Variants in ZNF836 observed in about 807,000 individuals in gnomAD.
ZNF836 encodes zinc finger protein 836.
Under a neutral mutation model 7.4 loss-of-function variants are expected in ZNF836, and 12 were observed. The observed-to-expected ratio is 1.61, with a 90% CI of 1.03 to 2.61. The LOEUF (loss-of-function observed/expected upper bound fraction) is 2.61. ZNF836 is among the 30% of genes most tolerant of loss of function. The pLI is 0.00. For missense variants in ZNF836, 998 were observed against 1,126.2 expected, an observed-to-expected ratio of 0.89 and a Z score of 1.63; for synonymous variants, 365 against 382.6, an observed-to-expected ratio of 0.95 and a Z score of 0.54.
chr19:52,154,657 T>A lies in ZNF836; in HGVS notation c.*215A>T. ...CCTGGCGACAGAGAGAGACTCCGTC[T>A]CAAAAAAGCAAAACAAACAAAAAAA... On this transcript the variant is annotated 3_prime_UTR_variant, in exon 5 of 5. Coordinates refer to ENST00000682614, the MANE Select transcript of ZNF836 (RefSeq NM_001102657.3). 1 of 409,158 alleles carries A rather than the reference T, an allele frequency of 2.4e-6. No homozygotes were observed. Among genetic ancestry groups the A allele is most frequent in the Non-Finnish European group, 4.3e-6 (1 of 233,548 alleles). 25.3% of individuals were successfully genotyped at this position (409,158 alleles called of 1,614,324 possible). A position where few individuals can be genotyped will look rare whatever the true frequency, so the allele number is the denominator to read the frequency against.
intron 3 of ZNF836, among the ~76,000 whole-genome samples, chr19:52,163,695 G>A (rs760317467): frequency 3.0e-4 from 46 of 152,184 alleles, no homozygotes; most frequent in Middle Eastern, 6.8e-3. Context: ...TCACTGAAAG[G>A]AACAGGATGA....
chr19:52,164,430 G>GGA (rs149371899), intron 3 of ZNF836, among the ~76,000 whole-genome samples: 142 of 136,504 alleles, frequency 1.0e-3, no homozygotes, highest in African/African-American at 1.7e-3. Context: ...AAGGAGGGAG[G>GGA]GAGAGAGAGA....
intron 3 of ZNF836, among the ~76,000 whole-genome samples, chr19:52,167,516 C>T (rs1447594780): frequency 6.8e-6 from 1 of 147,078 alleles, no homozygotes; most frequent in African/African-American, 2.5e-5. Context: ...AAAATAAACA[C>T]CCTCTATCAC....
In ZNF836 at chr19:52,156,807, G is replaced by A. The variant is rs986230750; in HGVS notation, c.876C>T (p.His292=). The change falls in exon 5 of 5, where the codon CAC becomes CAT. Residue 292 remains histidine, a synonymous_variant. Coordinates refer to ENST00000682614, the MANE Select transcript of ZNF836 (RefSeq NM_001102657.3). ...IFRQNSDLVN[H]RRSHTGEKPY... ...GTTTCTCTCCAGTGTGACTTCTCCG[G>A]TGATTTACAAGATCTGAATTTTGTC... 3 of 1,614,006 alleles carry A rather than the reference G, an allele frequency of 1.9e-6. No homozygotes were observed. The highest frequency in any genetic ancestry group is 1.3e-5 in the African/African-American group (1 of 74,930).
chr19:52,170,984 G>T (rs1480197466), intron 1 of ZNF836, among the ~76,000 whole-genome samples: 2 of 152,258 alleles, frequency 1.3e-5, no homozygotes, highest in African/African-American at 4.8e-5. Flanking sequence ...GGGAGCGAAA[G>T]GACCCGGCGT....
chr19:52,164,739 A>C (rs375306030), intron 3 of ZNF836, among the ~76,000 whole-genome samples: 10 of 152,298 alleles, frequency 6.6e-5, no homozygotes, highest in African/African-American at 2.4e-4. Flanking sequence ...AATAATGTGA[A>C]TATATATAAC....
rs1169056261 is a variant in ZNF836, at chr19:52,154,423, G to A, written c.*449C>T. ...CACCTATAATCCCAGCACTTTGGGA[G>A]GCCGAGGCAGGCAGATCACTAGGTC... On this transcript the variant is annotated 3_prime_UTR_variant, in exon 5 of 5. Transcript: ENST00000682614. 2.6e-5 allele frequency among the ~76,000 whole-genome samples: 4 copies of A among 152,122 alleles called. No homozygotes were observed. Among genetic ancestry groups the A allele is most frequent in the African/African-American group, 9.7e-5 (4 of 41,430 alleles).
At position 52,155,769 on chromosome 19, in the gene ZNF836, A is replaced by C; in HGVS notation, c.1914T>G (p.Phe638Leu). The change falls in exon 5 of 5, where the codon TTT becomes TTG. Residue 638 changes from phenylalanine to leucine, a missense_variant. Transcript: ENST00000682614. ...AAACCTTGCCGCATTCGTTACATTG[A>C]AACGGCTTCTCTCCAGTATGAATTC... ...HKRIHTGEKP[F>L]QCNECGKVFS... The C allele has an allele frequency of 6.2e-7, 1 of 1,613,740 alleles. No individual in the cohort carries two copies.
chr19:52,164,956 G>A (rs1161949994), intron 3 of ZNF836, among the ~76,000 whole-genome samples: 1 of 152,104 alleles, frequency 6.6e-6, no homozygotes, highest in Non-Finnish European at 1.5e-5. Flanking sequence ...TGGGTATGGT[G>A]GTGAGTGCCA....
rs915685060 is a variant in ZNF836 at position 52,160,451 on chromosome 19, A to G, written c.142+14T>C. 8 of 1,614,054 alleles carry G rather than the reference A, an allele frequency of 5.0e-6. No homozygotes were observed. The Admixed American group carries it at 6.7e-5, about 13-fold the overall frequency. On this transcript the variant is annotated intron_variant, in intron 4 of 4. Transcript: ENST00000682614. ...GAGGGCAGATCTTAACTTCTAGAGCAAAATTATCCTTACCCAGGAAGACCA... is the reference window on the plus strand; with the variant it reads ...GAGGGCAGATCTTAACTTCTAGAGCGAAATTATCCTTACCCAGGAAGACCA...
Position 52,154,987 on chromosome 19 carries a change from A to C in ZNF836, c.2696T>G (p.Phe899Cys). ...PYKCNECGKS[F>C]ISRSGLTKHQ... ...TTTAGTGAGGCCTGAGCGACTAATGAAAGATTTGCCACACTCATTACATTT... is the reference window on the plus strand; with the variant it reads ...TTTAGTGAGGCCTGAGCGACTAATGCAAGATTTGCCACACTCATTACATTT... The change falls in exon 5 of 5, where the codon TTC becomes TGC. Residue 899 changes from phenylalanine to cysteine, a missense_variant. Transcript: ENST00000682614. 1 of 1,611,642 alleles carries C rather than the reference A, an allele frequency of 6.2e-7. No homozygotes were observed. Among genetic ancestry groups the C allele is most frequent in the Non-Finnish European group, 8.5e-7 (1 of 1,178,618 alleles).
rs2122238031 is a variant in ZNF836 at position 52,171,401 on chromosome 19, C to T, written c.-280G>A. 2 of 152,384 alleles carry T rather than the reference C, an allele frequency of 1.3e-5. No homozygotes were observed. The highest frequency in any genetic ancestry group is 4.1e-4 in the South Asian group (2 of 4,830). 9.4% of individuals were successfully genotyped at this position (152,384 alleles called of 1,614,324 possible). ...GCGATCCCCAGGAAACGGGTATGGACAAGGGAAGACTGCCAAGTGCACGTT... is the reference window on the plus strand; with the variant it reads ...GCGATCCCCAGGAAACGGGTATGGATAAGGGAAGACTGCCAAGTGCACGTT... On this transcript the variant is annotated 5_prime_UTR_variant, in exon 1 of 5. Transcript: ENST00000682614.
chr19:52,167,177 A>C (rs1333726257), intron 3 of ZNF836, among the ~76,000 whole-genome samples: 1 of 151,944 alleles, frequency 6.6e-6, no homozygotes, highest in Non-Finnish European at 1.5e-5. Flanking sequence ...TTTATATTTT[A>C]AAATCAATGA....
Position 52,155,967 on chromosome 19 carries a change from A to C in ZNF836, c.1716T>G (p.His572Gln). Residue 572 changes from histidine to glutamine, a missense_variant, in exon 5 of 5, where the codon CAT becomes CAG. His to Gln is a conservative substitution (Grantham distance 24, BLOSUM62 0). Coordinates refer to ENST00000682614, the MANE Select transcript of ZNF836 (RefSeq NM_001102657.3). ...VFNYSGNLSIHKRIHTGEKPF... is the reference protein window; with the variant it reads ...VFNYSGNLSIQKRIHTGEKPF... ...GTTTCTCTCCCGTATGTATTCTCTT[A>C]TGAATTGAAAGGTTTCCACTGTAAT... 6.2e-7 allele frequency: 1 copy of C among 1,613,984 alleles called. No homozygotes were observed. The highest frequency in any genetic ancestry group is 2.2e-5 in the East Asian group (1 of 44,870).
Position 52,161,256 on chromosome 19 carries a change from G to A in ZNF836, c.16-665C>T, listed in dbSNP as rs548156280. Among the ~76,000 whole-genome samples, 15 of 152,264 alleles carry A rather than the reference G, an allele frequency of 9.9e-5. No individual in the cohort carries two copies. The highest frequency in any genetic ancestry group is 2.1e-4 in the South Asian group (1 of 4,820). On this transcript the variant is annotated intron_variant, in intron 3 of 4. Coordinates refer to ENST00000682614, the MANE Select transcript of ZNF836 (RefSeq NM_001102657.3). The surrounding 1 kb of genome is among the most constrained non-coding windows in gnomAD (Gnocchi z 4.1). Reference sequence around the variant, plus strand: ...AAACAAATGGTTAAATTATGGTTACGGTATGTCTTAGTCTCTCTGTGCTGC... The same window carrying A: ...AAACAAATGGTTAAATTATGGTTACAGTATGTCTTAGTCTCTCTGTGCTGC...
chr19:52,158,314 T>G (rs187755286), intron 4 of ZNF836, among the ~76,000 whole-genome samples: 148 of 152,256 alleles, frequency 9.7e-4, no homozygotes, highest in African/African-American at 3.3e-3. Context: ...TTCAACTAAT[T>G]AATGTTCTAT....
intron 2 of ZNF836, among the ~76,000 whole-genome samples, chr19:52,169,216 A>G (rs75758880): frequency 6.6e-6 from 1 of 152,218 alleles, no homozygotes. Context: ...TATTTATAGA[A>G]AGGCAGATAT....
chr19:52,164,135 T>C (rs1316782633), intron 3 of ZNF836, among the ~76,000 whole-genome samples: 1 of 151,538 alleles, frequency 6.6e-6, no homozygotes, highest in Non-Finnish European at 1.5e-5. Context: ...TCACGACCTG[T>C]AATCCCAGCA....
intron 4 of ZNF836, chr19:52,160,216 TACTG>T (rs1408489308): frequency 3.8e-6 from 2 of 531,066 alleles, no homozygotes; most frequent in African/African-American, 4.1e-5. Flanking sequence ...AGTACCATTA[TACTG>T]ACTAATACTT....
Sources: allele counts gnomAD v4.1 joint callset (sites outside exome capture counted in the v4.1 genomes callset), GRCh38; gene constraint gnomAD v4.1.1; non-coding constraint Gnocchi (gnomAD v3.1); transcripts MANE v1.5; gene names NCBI Gene and HGNC (gene_info 2026-07-23, HGNC 2026-07-21).